BPIFA2: variants seen among roughly 807,000 people sequenced by gnomAD.
BPIFA2 encodes BPI fold-containing family A member 2.
In BPIFA2, 20 loss-of-function variants were observed where a neutral mutation model predicts 25.7. That is an observed-to-expected ratio of 0.78 (90% confidence interval 0.55 to 1.13). The LOEUF is 1.13. Among genes scored for constraint, BPIFA2 ranks in the 50% most tolerant of loss-of-function variants. The pLI is 0.00. For missense variants in BPIFA2, 300 were observed against 298.1 expected (o/e 1.01, Z -0.05); for synonymous variants, 126 against 124.3 (o/e 1.01, Z -0.09).
intron 7 of BPIFA2, among the ~76,000 whole-genome samples, 155 bp downstream of exon 7, chr20:33,179,822 G>C (rs1470782761): frequency 6.6e-5 from 10 of 152,156 alleles, no homozygotes; most frequent in Non-Finnish European, 1.3e-4. Flanking sequence ...GGCACCCGGG[G>C]GCTCCCTTTG....
intron 4 of BPIFA2, 117 bp from the exon 5 acceptor site, chr20:33,175,270 ACCATGTTGATATTACCTGGG>A: frequency 1.2e-6 from 1 of 837,378 alleles, no homozygotes; most frequent in Non-Finnish European, 1.9e-6. Context: ...GAGGATATGG[ACCATGTTGATATTACCTGGG>A]CCATGTTGAC....
chr20:33,174,294 C>A, intron 4 of BPIFA2, 108 bp downstream of exon 4: 2 of 925,376 alleles, frequency 2.2e-6, no homozygotes, highest in Non-Finnish European at 1.7e-6. Context: ...GAACTTGGGC[C>A]TCAGTTTCCC....
Position 33,174,162 on chromosome 20 carries a change from T to C in BPIFA2, c.386T>C (p.Val129Ala), listed in dbSNP as rs750167611. The C allele has an allele frequency of 5.0e-6, 8 of 1,614,050 alleles. No homozygotes were observed. The South Asian group carries it at 6.6e-5, about 13-fold the overall frequency. ...AAAGGCCTTAACCTGAGCTTCCCTG[T>C]CACCGCGAATGTCACTGTGGCCGGG... ...DGKGLNLSFPVTANVTVAGPI... is the reference protein window; with the variant it reads ...DGKGLNLSFPATANVTVAGPI... Residue 129 changes from valine to alanine, a missense_variant, in exon 4 of 9, where the codon GTC becomes GCC. Val to Ala is a moderately conservative substitution (Grantham distance 64). Transcript: ENST00000354932.
chr20:33,179,980 G>A (rs940843968), intron 7 of BPIFA2, among the ~76,000 whole-genome samples: 3 of 152,176 alleles, frequency 2.0e-5, no homozygotes, highest in African/African-American at 7.2e-5. Flanking sequence ...CACTTTGCGA[G>A]GCTGAGGTGG....
At chr20:33,163,395 C>T (rs771880906), upstream of BPIFA2, among the ~76,000 whole-genome samples, 15 of 152,176 alleles carry the variant, frequency 9.9e-5, no homozygotes, top group African/African-American at 1.9e-4. Flanking sequence ...AAAGGGCTAA[C>T]CCACAACCCT....
Position 33,169,126 on chromosome 20 carries a change from T to C in BPIFA2, c.-15-5T>C. 3 of 1,612,210 alleles carry C rather than the reference T, an allele frequency of 1.9e-6. No individual in the cohort carries two copies. The highest frequency in any genetic ancestry group is 2.5e-6 in the Non-Finnish European group (3 of 1,178,466). ...CTCACTCCTGTTCTTCCCATGACTG[T>C]CCAGGTGTCAAGACAAAAGATGCTT... is the stretch of plus-strand genomic sequence containing the variant. On this transcript the variant is annotated splice_region_variant and splice_polypyrimidine_tract_variant and intron_variant, in intron 1 of 8. Coordinates refer to ENST00000354932, the MANE Select transcript of BPIFA2 (RefSeq NM_080574.4).
chr20:33,176,055 C>CAAT (rs151095525), intron 5 of BPIFA2, among the ~76,000 whole-genome samples: 178 of 151,836 alleles, frequency 1.2e-3, no homozygotes, highest in East Asian at 0.011. Context: ...TAATGTCCCT[C>CAAT]AATAATAATA....
intron 5 of BPIFA2, among the ~76,000 whole-genome samples, chr20:33,177,107 C>G (rs1490452340): frequency 2.0e-5 from 3 of 152,194 alleles, no homozygotes; most frequent in Non-Finnish European, 4.4e-5. Flanking sequence ...GTAATCCCAG[C>G]ACTTTGGGAG....
intron 5 of BPIFA2, 84 bp downstream of exon 5, chr20:33,175,643 G>A: frequency 1.4e-6 from 2 of 1,439,094 alleles, no homozygotes; most frequent in Admixed American, 2.0e-5. Flanking sequence ...TACCTAAGAG[G>A]AGGCCTAGTG....
At chr20:33,163,484 G>A (rs2146447028), upstream of BPIFA2, among the ~76,000 whole-genome samples, 1 of 152,212 alleles carries the variant, frequency 6.6e-6, no homozygotes, top group Non-Finnish European at 1.5e-5. Context: ...GAGATGAATC[G>A]AAAGGACCCA....
chr20:33,174,697 G>A (rs547503449), intron 4 of BPIFA2, among the ~76,000 whole-genome samples: 46 of 152,272 alleles, frequency 3.0e-4, no homozygotes, highest in Non-Finnish European at 6.2e-4. Context: ...GATTGCTTGA[G>A]CTCAGGAGTT....
At chr20:33,176,512 A>G (rs1293131309) in intron 5 of BPIFA2, among the ~76,000 whole-genome samples, 1 of 152,230 alleles carries the variant, frequency 6.6e-6, no homozygotes, top group Admixed American at 6.5e-5. Context: ...CCTGAAAACC[A>G]AAGAAAGTTT....
intron 2 of BPIFA2, among the ~76,000 whole-genome samples, chr20:33,170,503 C>T (rs911160520): frequency 1.3e-5 from 2 of 152,168 alleles, no homozygotes; most frequent in Non-Finnish European, 2.9e-5. Context: ...AACTGATCCT[C>T]TCACCTCAGC....
rs897480809 is a variant in BPIFA2, at chr20:33,169,098, A to G, written c.-15-33A>G. On this transcript the variant is annotated intron_variant, in intron 1 of 8. Transcript: ENST00000354932. ...TGAAGAGTCCATTTCCCTCTGGGCA[A>G]TTCTCACTCCTGTTCTTCCCATGAC... The G allele has an allele frequency of 2.5e-6, 4 of 1,572,534 alleles. No individual in the cohort carries two copies. In the South Asian group the frequency reaches 3.3e-5, roughly 13 times the overall value.
chr20:33,161,861 T>C (rs1267673085), exon 1 of BPIFA2: 1 of 152,130 alleles, frequency 6.6e-6, no homozygotes, highest in Non-Finnish European at 1.5e-5. Context: ...AGAGGAGGCT[T>C]TGGGAATTGT....
chr20:33,162,258 G>C (rs1568604798), intron 1 of BPIFA2, among the ~76,000 whole-genome samples: 2 of 152,276 alleles, frequency 1.3e-5, no homozygotes, highest in East Asian at 1.9e-4. Context: ...TGGAATTACA[G>C]GCATGAGCCA....
chr20:33,170,579 C>T (rs191989101), intron 2 of BPIFA2, among the ~76,000 whole-genome samples: 31 of 152,160 alleles, frequency 2.0e-4, no homozygotes, highest in East Asian at 1.5e-3. Context: ...TTTTTTGTAG[C>T]GGTGGAGTCT....
At chr20:33,181,120 A>G in intron 8 of BPIFA2, 104 bp from the exon 9 acceptor site, 1 of 152,864 alleles carries the variant, frequency 6.5e-6, no homozygotes, top group Non-Finnish European at 1.5e-5. Context: ...GGGACACTGG[A>G]GCCAGGTCAA....
intron 4 of BPIFA2, among the ~76,000 whole-genome samples, chr20:33,174,658 C>T (rs1396007266): frequency 1.3e-5 from 2 of 152,136 alleles, no homozygotes. Context: ...TACCTGTAAT[C>T]CCAGCAATTT....
Sources: allele counts gnomAD v4.1 joint callset (sites outside exome capture counted in the v4.1 genomes callset), GRCh38; gene constraint gnomAD v4.1.1; transcripts MANE v1.5; gene names NCBI Gene and HGNC (gene_info 2026-07-23, HGNC 2026-07-21).